The following BRWD1 variants were observed in gnomAD, a reference collection of about 807,000 sequenced individuals.
BRWD1 encodes the protein bromodomain and WD repeat domain containing 1.
In BRWD1, 82 loss-of-function variants were observed where a neutral mutation model predicts 251.2. That is an observed-to-expected ratio of 0.33 (90% CI 0.27 to 0.39). BRWD1 has a LOEUF of 0.39. BRWD1 is among the 10% of genes least tolerant of loss of function. The pLI, the probability that BRWD1 is intolerant of heterozygous loss-of-function variation, is 1.00. For missense variants in BRWD1, 2,233 were observed against 2,711.6 expected (o/e 0.82, Z 3.92); for synonymous variants, 918 against 902.8 (o/e 1.02, Z -0.30).
intron 11 of BRWD1, 41 bp downstream of exon 11, chr21:39,277,210 T>A: frequency 7.0e-7 from 1 of 1,438,398 alleles, no homozygotes; most frequent in Non-Finnish European, 9.7e-7. Context: ...AGGAATAGTA[T>A]TAACAATTAA....
intron 3 of BRWD1, 35 bp from the exon 4 acceptor site, chr21:39,312,935 C>G (rs2297258): frequency 0.92 from 1,143,258 of 1,237,982 alleles, 530,477 homozygotes; most frequent in African/African-American, 0.97. Flanking sequence ...AGTGACCACC[C>G]CTCCGGCGCG....
chr21:39,240,105 G>T (rs1278445287), intron 21 of BRWD1, among the ~76,000 whole-genome samples: 1 of 152,088 alleles, frequency 6.6e-6, no homozygotes, highest in Non-Finnish European at 1.5e-5. Flanking sequence ...AGGCATGTAG[G>T]AAATGTAAAT....
chr21:39,240,872 T>C (rs1284944134), intron 21 of BRWD1, among the ~76,000 whole-genome samples: 1 of 151,896 alleles, frequency 6.6e-6, no homozygotes, highest in African/African-American at 2.4e-5. Context: ...CTCTACATAC[T>C]AGGGTTTTTA....
intron 13 of BRWD1, among the ~76,000 whole-genome samples, chr21:39,271,247 GCACCA>G (rs1201453341): frequency 6.6e-6 from 1 of 152,046 alleles, no homozygotes; most frequent in Non-Finnish European, 1.5e-5. Context: ...AACCAAGACC[GCACCA>G]TTGCACTCCA....
chr21:39,266,506 G>C (rs1272349373), intron 15 of BRWD1, among the ~76,000 whole-genome samples: 3 of 152,180 alleles, frequency 2.0e-5, no homozygotes, highest in African/African-American at 7.2e-5. Flanking sequence ...AAGCTGGAAA[G>C]CTGAAGATGG....
rs936697517 is a variant in BRWD1 at position 39,279,535 on chromosome 21, A to G, written c.932+613T>C. 3.3e-5 allele frequency among the ~76,000 whole-genome samples: 5 copies of G among 150,396 alleles called. No homozygotes were observed. The South Asian group carries it at 1.1e-3, about 32-fold the overall frequency. ...GCACCTGTAATCCCAGCTACTCAGG[A>G]GGCTGAGGCAGGAGAATCACTTGAA... On this transcript the variant is annotated intron_variant, in intron 9 of 40. Transcript: ENST00000342449.
rs1431902277 is a variant in BRWD1 at position 39,296,324 on chromosome 21, G to A, written c.389C>T (p.Ala130Val). 1 of 1,600,416 alleles carries A rather than the reference G, an allele frequency of 6.2e-7. No individual in the cohort carries two copies. Among genetic ancestry groups the A allele is most frequent in the Non-Finnish European group, 8.5e-7 (1 of 1,174,676 alleles). ...HTVWKGSAFA[A>V]LHRGRPPEMP... Reference sequence around the variant, plus strand: ...TTCAGGAGGTCTTCCTCTATGAAGAGCAGCAAAGGCAGAGCCCTTCCAAAC... The same window carrying A: ...TTCAGGAGGTCTTCCTCTATGAAGAACAGCAAAGGCAGAGCCCTTCCAAAC... Residue 130 changes from alanine to valine, a missense_variant, in exon 6 of 41, where the codon GCT (alanine) becomes GTT (valine). Ala to Val is a moderately conservative substitution (Grantham distance 64). This residue lies in a region of BRWD1 where 185 missense variants were observed against 260.6 expected (regional missense o/e 0.71). Coordinates refer to ENST00000342449, the MANE Select transcript of BRWD1 (RefSeq NM_033656.4).
chr21:39,187,871 G>A lies in BRWD1; in HGVS notation c.*8388C>T. On this transcript the variant is annotated 3_prime_UTR_variant, in exon 41 of 41. Transcript: ENST00000342449. Reference sequence around the variant, plus strand: ...GCAGAGTGCTATGAGAACACAGACTGGAAACCTAACCTAGCCTAAGGGATC... The same window carrying A: ...GCAGAGTGCTATGAGAACACAGACTAGAAACCTAACCTAGCCTAAGGGATC... 1 of 982,590 alleles carries A rather than the reference G, an allele frequency of 1.0e-6. No individual in the cohort carries two copies. The highest frequency in any genetic ancestry group is 1.7e-5 in the African/African-American group (1 of 57,244). 60.9% of individuals were successfully genotyped at this position (982,590 alleles called of 1,614,324 possible). A position where few individuals can be genotyped will look rare whatever the true frequency, so the allele number is the denominator to read the frequency against.
At chr21:39,271,702 A>AG in intron 13 of BRWD1, among the ~76,000 whole-genome samples, 1 of 149,660 alleles carries the variant, frequency 6.7e-6, no homozygotes. Context: ...GTCTCAAAAA[A>AG]AAAAAAAAAA....
chr21:39,280,035 G>GT (rs2035408273), intron 9 of BRWD1, 113 bp downstream of exon 9: 4 of 728,486 alleles, frequency 5.5e-6, no homozygotes, highest in Non-Finnish European at 8.7e-6. Flanking sequence ...AAGTTCAAAG[G>GT]TTAAAAAAAA....
intron 38 of BRWD1, among the ~76,000 whole-genome samples, 198 bp downstream of exon 38, chr21:39,202,127 T>C (rs368737374): frequency 3.3e-5 from 5 of 152,354 alleles, no homozygotes; most frequent in Admixed American, 6.5e-5. Context: ...TCAATATAAA[T>C]GTACCATTCA....
At chr21:39,201,696 A>G (rs568551224) in intron 38 of BRWD1, among the ~76,000 whole-genome samples, 3 of 152,340 alleles carry the variant, frequency 2.0e-5, no homozygotes, top group South Asian at 4.1e-4. Flanking sequence ...TGTGATACAC[A>G]TGAACTTGCT....
At position 39,279,806 on chromosome 21, in the gene BRWD1, C is replaced by T. The variant is rs192926831; in HGVS notation, c.932+342G>A. On this transcript the variant is annotated intron_variant, in intron 9 of 40. Coordinates refer to ENST00000342449, the MANE Select transcript of BRWD1 (RefSeq NM_033656.4). ...AACGATCATATATGGCTAGTGACTA[C>T]TGTATTAGACAGCACAGGTATACAA... 9.1e-3 allele frequency among the ~76,000 whole-genome samples: 1,385 copies of T among 152,236 alleles called. 17 individuals are homozygous for T. Among genetic ancestry groups the T allele is most frequent in the Non-Finnish European group, 0.015 (1,029 of 68,024 alleles).
At chr21:39,210,474 G>A (rs2032606485) in intron 35 of BRWD1, among the ~76,000 whole-genome samples, 1 of 152,038 alleles carries the variant, frequency 6.6e-6, no homozygotes, top group South Asian at 2.1e-4. Context: ...TTTAAAGAGT[G>A]CAAACAGACA....
rs1056144119 is a variant in BRWD1 at position 39,215,419 on chromosome 21, G to GA, written c.3660-58dup. 3.4e-6 allele frequency: 5 copies of GA among 1,470,206 alleles called. No homozygotes were observed. The African/African-American group carries it at 4.3e-5, about 13-fold the overall frequency. The allele number at this position is 1,470,206 out of a possible 1,614,324, so 91.1% of individuals were successfully genotyped here. Reference sequence around the variant, plus strand: ...GAAAATGAGAAGATAGAAACCAAGTGAAAAAATGCAGCATGTGAATTAAAC... The same window carrying GA: ...GAAAATGAGAAGATAGAAACCAAGTGAAAAAAATGCAGCATGTGAATTAAAC... On this transcript the variant is annotated intron_variant, in intron 31 of 40. Transcript: ENST00000342449.
At chr21:39,285,554 T>C (rs1210474514) in intron 8 of BRWD1, among the ~76,000 whole-genome samples, 1 of 152,176 alleles carries the variant, frequency 6.6e-6, no homozygotes, top group Non-Finnish European at 1.5e-5. Flanking sequence ...ATACAATGCA[T>C]ATATGCACTG....
intron 36 of BRWD1, among the ~76,000 whole-genome samples, chr21:39,206,487 T>C (rs932145390): frequency 1.3e-5 from 2 of 152,200 alleles, no homozygotes; most frequent in Non-Finnish European, 2.9e-5. Context: ...AGAAAGTAGT[T>C]TGAAGTCAAG....
chr21:39,290,361 T>G (rs1435759718), intron 8 of BRWD1, among the ~76,000 whole-genome samples: 3 of 151,484 alleles, frequency 2.0e-5, no homozygotes, highest in Admixed American at 6.6e-5. Context: ...TGGTGGCACG[T>G]GCCTGTAGCC....
rs1325793489 is a variant in BRWD1, at chr21:39,313,051, CG to C, written c.138+20del. On this transcript the variant is annotated intron_variant, in intron 3 of 40. Coordinates refer to ENST00000342449, the MANE Select transcript of BRWD1 (RefSeq NM_033656.4). The stretch of plus-strand genomic sequence containing the variant: ...TCGGCAGGAGGAACCCGAGGGAGCG[CG>C]GGGACGGGCGCGCACAGACCTGGTA... The C allele has an allele frequency of 3.6e-6, 5 of 1,387,240 alleles. No homozygotes were observed. Among genetic ancestry groups the C allele is most frequent in the Non-Finnish European group, 3.7e-6 (4 of 1,067,406 alleles). 85.9% of individuals were successfully genotyped at this position (1,387,240 alleles called of 1,614,324 possible). A position where few individuals can be genotyped will look rare whatever the true frequency, so the allele number is the denominator to read the frequency against.
Sources: allele counts gnomAD v4.1 joint callset (sites outside exome capture counted in the v4.1 genomes callset), GRCh38; gene constraint gnomAD v4.1.1; regional missense constraint gnomAD v4.1.1; transcripts MANE v1.5; gene names NCBI Gene and HGNC (gene_info 2026-07-23, HGNC 2026-07-21).